Variants in ANXA3 observed in about 807,000 individuals in gnomAD.
The protein encoded by ANXA3 is 35-alpha calcimedin.
ANXA3 carries 46 observed loss-of-function variants against 48.8 expected under a neutral mutation model. The observed-to-expected ratio is 0.94, with a 90% confidence interval of 0.74 to 1.21. ANXA3 has a LOEUF of 1.21. ANXA3 is among the 50% of genes most tolerant of loss of function. ANXA3 has a pLI of 0.00. For missense variants in ANXA3, 383 were observed against 378.6 expected (o/e 1.01, Z -0.10); for synonymous variants, 128 against 134.7 (o/e 0.95, Z 0.35).
intron 7 of ANXA3, among the ~76,000 whole-genome samples, chr4:78,593,169 C>G (rs1343548688): frequency 1.4e-5 from 2 of 147,648 alleles, no homozygotes; most frequent in Non-Finnish European, 3.0e-5. Flanking sequence ...AACCATAGAG[C>G]CTTTAATATC....
intron 2 of ANXA3, among the ~76,000 whole-genome samples, chr4:78,563,014 C>T (rs1722655551): frequency 1.3e-5 from 2 of 152,102 alleles, no homozygotes; most frequent in Admixed American, 6.5e-5. Flanking sequence ...TTTTATGGTA[C>T]TTTATTATCC....
At chr4:78,554,182 A>T (rs886620530) in intron 1 of ANXA3, 7 of 338,580 alleles carry the variant, frequency 2.1e-5, no homozygotes, top group Admixed American at 4.3e-5. Flanking sequence ...TAAGCATCTT[A>T]AGTACAAAGA....
rs571558891 is a variant in ANXA3, at chr4:78,570,064, C to G, written c.16-3116C>G. Among the ~76,000 whole-genome samples, 11 of 152,252 alleles carry G rather than the reference C, an allele frequency of 7.2e-5. No individual in the cohort carries two copies. In the South Asian group the frequency reaches 2.1e-3, roughly 29 times the overall value. On this transcript the variant is annotated intron_variant, in intron 2 of 12. Transcript: ENST00000264908. ...AATATTTCCGAATGATTTGGGCAACCAAGTCTATCAAATGAATAATGCCAT... is the reference window on the plus strand; with the variant it reads ...AATATTTCCGAATGATTTGGGCAACGAAGTCTATCAAATGAATAATGCCAT...
intron 6 of ANXA3, among the ~76,000 whole-genome samples, chr4:78,591,250 C>T (rs1018889602): frequency 3.3e-5 from 5 of 152,160 alleles, no homozygotes; most frequent in Admixed American, 1.3e-4. Context: ...CTCATCCACC[C>T]CAGCTTTTCC....
chr4:78,584,799 G>A (rs1723139809), intron 5 of ANXA3, among the ~76,000 whole-genome samples: 3 of 152,246 alleles, frequency 2.0e-5, no homozygotes, highest in Admixed American at 1.3e-4. Flanking sequence ...AAACACCTGT[G>A]AAGGATAAAG....
intron 3 of ANXA3, among the ~76,000 whole-genome samples, chr4:78,578,706 A>G (rs1021685404): frequency 2.0e-5 from 3 of 152,154 alleles, no homozygotes; most frequent in African/African-American, 7.2e-5. Flanking sequence ...CAGTAACCAA[A>G]CCTCATAAAG....
intron 3 of ANXA3, among the ~76,000 whole-genome samples, chr4:78,576,989 A>G (rs955129114): frequency 1.3e-5 from 2 of 152,226 alleles, no homozygotes; most frequent in Non-Finnish European, 2.9e-5. Flanking sequence ...GTAGAAAATG[A>G]GAACAAAGAC....
chr4:78,600,890 A>G (rs2109948726), intron 10 of ANXA3, among the ~76,000 whole-genome samples: 1 of 150,954 alleles, frequency 6.6e-6, no homozygotes, highest in Non-Finnish European at 1.5e-5. Flanking sequence ...TTCTTGTTTT[A>G]TTTCTGCTTT....
chr4:78,572,999 T>G (rs1011665217), intron 2 of ANXA3, 181 bp from the exon 3 acceptor site: 1 of 714,076 alleles, frequency 1.4e-6, no homozygotes, highest in African/African-American at 1.7e-5. Context: ...GTCAACCATG[T>G]CAGATTTCTC....
intron 6 of ANXA3, among the ~76,000 whole-genome samples, chr4:78,590,835 A>G (rs1578400608): frequency 6.7e-6 from 1 of 148,774 alleles, no homozygotes; most frequent in Admixed American, 6.6e-5. Context: ...AAAAGGTAGA[A>G]GTTTATTTCT....
chr4:78,576,942 A>G lies in ANXA3; in HGVS notation c.104-2085A>G, dbSNP rs565830481. Among the ~76,000 whole-genome samples, 4 of 152,332 alleles carry G rather than the reference A, an allele frequency of 2.6e-5. No individual in the cohort carries two copies. The East Asian group carries it at 5.8e-4, about 22-fold the overall frequency. ...ACTGCAGGTAGTTTGGTATAGTTGT[A>G]GTCTAGGTGCATAGGTTATAGAGAT... On this transcript the variant is annotated intron_variant, in intron 3 of 12. Coordinates refer to ENST00000264908, the MANE Select transcript of ANXA3 (RefSeq NM_005139.3).
Position 78,608,998 on chromosome 4 carries a change from T to C in ANXA3, c.913-1058T>C, listed in dbSNP as rs182431697. Among the ~76,000 whole-genome samples, 509 of 152,320 alleles carry C rather than the reference T, an allele frequency of 3.3e-3. 4 individuals are homozygous for C. Among genetic ancestry groups the C allele is most frequent in the Middle Eastern group, 0.017 (5 of 294 alleles). On this transcript the variant is annotated intron_variant, in intron 12 of 12. Coordinates refer to ENST00000264908, the MANE Select transcript of ANXA3 (RefSeq NM_005139.3). ...ATTGTTGACTTGTCAGCTCTGCTATTGCAGAGCAAGACAGGAAAACCAATA... is the reference window on the plus strand; with the variant it reads ...ATTGTTGACTTGTCAGCTCTGCTATCGCAGAGCAAGACAGGAAAACCAATA...
intron 11 of ANXA3, chr4:78,602,617 T>C (rs1027834619): frequency 6.6e-6 from 1 of 152,252 alleles, no homozygotes; most frequent in African/African-American, 2.4e-5. Context: ...GTGCGCTCCA[T>C]GAGTACAGAC....
At chr4:78,578,078 A>C (rs763292450) in intron 3 of ANXA3, among the ~76,000 whole-genome samples, 22 of 151,854 alleles carry the variant, frequency 1.4e-4, no homozygotes, top group Non-Finnish European at 2.6e-4. Flanking sequence ...CAGGAGTTCG[A>C]GACCAGCCTG....
chr4:78,609,417 C>G (rs1723711803), intron 12 of ANXA3, among the ~76,000 whole-genome samples: 1 of 152,202 alleles, frequency 6.6e-6, no homozygotes, highest in Non-Finnish European at 1.5e-5. Flanking sequence ...CACGTAGTAT[C>G]TTTTCTGGAC....
chr4:78,595,123 A>C (rs1401915334), intron 7 of ANXA3, among the ~76,000 whole-genome samples: 2 of 151,958 alleles, frequency 1.3e-5, no homozygotes, highest in African/African-American at 2.4e-5. Context: ...GCCAACAGAG[A>C]GTGAGAACCT....
rs111359298 is a variant in ANXA3, at chr4:78,573,153, A to G, written c.16-27A>G. On this transcript the variant is annotated intron_variant, in intron 2 of 12. Transcript: ENST00000264908. ...ACAAGAAAGATGTCATTTTGAACCA[A>G]TGGGACTTTCAAGTATTTCCTTCTA... 3.8e-3 allele frequency: 5,834 copies of G among 1,517,760 alleles called. 197 individuals carry two copies. The African/African-American group carries it at 0.071, about 18-fold the overall frequency. 94.0% of individuals were successfully genotyped at this position (1,517,760 alleles called of 1,614,324 possible). A position where few individuals can be genotyped will look rare whatever the true frequency, so the allele number is the denominator to read the frequency against.
intron 4 of ANXA3, among the ~76,000 whole-genome samples, chr4:78,581,363 G>A (rs1472929992): frequency 6.6e-6 from 1 of 152,176 alleles, no homozygotes; most frequent in Non-Finnish European, 1.5e-5. Flanking sequence ...GTACTTAGGT[G>A]TGAAAACAGT....
intron 6 of ANXA3, among the ~76,000 whole-genome samples, chr4:78,587,590 T>C (rs554265657): frequency 3.3e-5 from 5 of 152,316 alleles, no homozygotes; most frequent in African/African-American, 1.2e-4. Flanking sequence ...GTCAGTTGTG[T>C]CATAGCAGCT....
Sources: allele counts gnomAD v4.1 joint callset (sites outside exome capture counted in the v4.1 genomes callset), GRCh38; gene constraint gnomAD v4.1.1; transcripts MANE v1.5; gene names NCBI Gene and HGNC (gene_info 2026-07-23, HGNC 2026-07-21).